LYRM4: variants seen among roughly 807,000 people sequenced by gnomAD.
LYRM4 encodes the protein LYR motif-containing protein 4.
Under a neutral mutation model 11.7 loss-of-function variants are expected in LYRM4, and 9 were observed. The ratio of observed to expected loss-of-function variants is 0.77; its 90% CI spans 0.46 to 1.34. LYRM4 has a LOEUF of 1.34. Ranked by LOEUF, LYRM4 falls within the 40% of genes most tolerant of loss-of-function variation. The pLI, the probability that LYRM4 is intolerant of heterozygous loss-of-function variation, is 0.00. For missense variants in LYRM4, 133 were observed against 112.5 expected (o/e 1.18, Z -0.82); for synonymous variants, 42 against 40.4 (o/e 1.04, Z -0.15).
the LYRM4 span, among the ~76,000 whole-genome samples, chr6:5,057,846 C>T: frequency 6.4e-4 from 97 of 152,002 alleles, no homozygotes; most frequent in Middle Eastern, 3.4e-3. Context: ...ACTGCAGCCT[C>T]GAACTCCTGG....
At chr6:5,248,060 T>G (rs1048520149) in intron 1 of LYRM4, among the ~76,000 whole-genome samples, 25 of 152,246 alleles carry the variant, frequency 1.6e-4, no homozygotes, top group Non-Finnish European at 2.2e-4. Context: ...GAAGTGATAC[T>G]GTACACAAAG....
intron 2 of LYRM4, among the ~76,000 whole-genome samples, chr6:5,133,214 C>T (rs925039203): frequency 2.6e-5 from 4 of 152,200 alleles, no homozygotes; most frequent in Admixed American, 6.5e-5. Context: ...GCTCTTTCCT[C>T]TCACATAAAA....
chr6:5,155,721 T>C (rs1425128953), intron 2 of LYRM4, among the ~76,000 whole-genome samples: 1 of 152,244 alleles, frequency 6.6e-6, no homozygotes, highest in Non-Finnish European at 1.5e-5. Flanking sequence ...GCAAAACGTA[T>C]GGATAGCCTC....
At chr6:5,231,371 C>T (rs1014578362) in intron 1 of LYRM4, among the ~76,000 whole-genome samples, 4 of 152,296 alleles carry the variant, frequency 2.6e-5, no homozygotes, top group Admixed American at 1.3e-4. Flanking sequence ...CTGGGCTTCC[C>T]GAGTGTCCTG....
At chr6:5,101,435 G>A (rs962954572), downstream of LYRM4, among the ~76,000 whole-genome samples, 1 of 152,164 alleles carries the variant, frequency 6.6e-6, no homozygotes, top group African/African-American at 2.4e-5. Flanking sequence ...TTTGTGTTAC[G>A]CACTGAAAAT....
the LYRM4 span, chr6:5,085,987 C>T: frequency 1.3e-6 from 2 of 1,525,776 alleles, no homozygotes. Flanking sequence ...CCGAAGCTTC[C>T]CTATGCGTGC....
chr6:5,124,971 G>C lies in LYRM4; in HGVS notation c.208-15480C>G, dbSNP rs906801691. ...TGAGACTGTGAGCCCCCTGAAGTTGGGATGAGCCCATTTCATGTCCCCAGC... is the reference window on the plus strand; with the variant it reads ...TGAGACTGTGAGCCCCCTGAAGTTGCGATGAGCCCATTTCATGTCCCCAGC... On this transcript the variant is annotated intron_variant, in intron 2 of 2. Transcript: ENST00000330636. Among the ~76,000 whole-genome samples, 4 of 152,174 alleles carry C rather than the reference G, an allele frequency of 2.6e-5. No homozygotes were observed. The South Asian group carries it at 6.2e-4, about 24-fold the overall frequency.
chr6:5,189,129 T>G (rs1219861456), intron 2 of LYRM4, among the ~76,000 whole-genome samples: 4 of 152,228 alleles, frequency 2.6e-5, no homozygotes, highest in Non-Finnish European at 5.9e-5. Context: ...CGTACTGTAT[T>G]ACATACAATT....
chr6:5,040,882 G>GA, the LYRM4 span, among the ~76,000 whole-genome samples: 107,941 of 150,020 alleles, frequency 0.72, 39,618 homozygotes, highest in East Asian at 0.93. Flanking sequence ...TGGGGAAACA[G>GA]AAAAAAAAAA....
At chr6:5,237,413 G>A (rs1763614037) in intron 1 of LYRM4, among the ~76,000 whole-genome samples, 1 of 151,818 alleles carries the variant, frequency 6.6e-6, no homozygotes, top group South Asian at 2.1e-4. Flanking sequence ...CTAGTTGCAG[G>A]AAAACAAGCT....
intron 2 of LYRM4, among the ~76,000 whole-genome samples, chr6:5,170,455 ATCAAAAGAGCTTTC>A (rs1269104590): frequency 6.6e-6 from 1 of 151,750 alleles, no homozygotes; most frequent in African/African-American, 2.4e-5. Context: ...ATTCTTGGGT[ATCAAAAGAGCTTTC>A]TCACTTTATT....
At chr6:5,102,126 C>A (rs1762525364), downstream of LYRM4, among the ~76,000 whole-genome samples, 1 of 151,360 alleles carries the variant, frequency 6.6e-6, no homozygotes, top group African/African-American at 2.4e-5. Flanking sequence ...TTTATATTTT[C>A]AGTAGTTTGA....
At chr6:5,138,480 C>T in intron 2 of LYRM4, among the ~76,000 whole-genome samples, 1 of 100,542 alleles carries the variant, frequency 9.9e-6, no homozygotes, top group Non-Finnish European at 1.9e-5. Context: ...GAGTGAGACC[C>T]TGTCTCCAAA....
the LYRM4 span, among the ~76,000 whole-genome samples, chr6:5,062,400 G>A: frequency 1.3e-5 from 2 of 151,750 alleles, no homozygotes; most frequent in East Asian, 3.9e-4. Context: ...CTGGCATCAA[G>A]TGATCCTCCC....
At chr6:5,173,893 A>T (rs80335316) in intron 2 of LYRM4, among the ~76,000 whole-genome samples, 2,008 of 152,346 alleles carry the variant, frequency 0.013, 39 homozygotes, top group African/African-American at 0.044. Context: ...TGGAGACAAC[A>T]GGCAGATTCC....
chr6:5,195,161 G>A (rs1024941685), intron 2 of LYRM4, among the ~76,000 whole-genome samples: 1 of 152,118 alleles, frequency 6.6e-6, no homozygotes, highest in Non-Finnish European at 1.5e-5. Context: ...CTCACAGGAC[G>A]GCCCTGCAAA....
chr6:5,105,972 A>G (rs749612694), downstream of LYRM4: 1 of 152,308 alleles, frequency 6.6e-6, no homozygotes, highest in African/African-American at 2.4e-5. Context: ...CTTTGCATGG[A>G]ACTACCCTCT....
At chr6:5,103,659 A>C (rs1266408309), downstream of LYRM4, 1 of 142,458 alleles carries the variant, frequency 7.0e-6, no homozygotes, top group Non-Finnish European at 1.5e-5. Context: ...TTTTTGAGAC[A>C]AGAGTCTCAC....
intron 1 of LYRM4, 39 bp from the exon 2 acceptor site, chr6:5,216,777 C>A (rs41302851): frequency 5.6e-6 from 9 of 1,598,100 alleles, no homozygotes; most frequent in Non-Finnish European, 7.6e-6. Context: ...AAGGTGTCAG[C>A]GTGTCTGAGG....
Sources: gnomAD v4.1 joint callset for allele counts (sites outside exome capture counted in the v4.1 genomes callset) on GRCh38, gnomAD v4.1.1 for gene constraint, MANE v1.5 for transcripts, NCBI Gene and HGNC (gene_info 2026-07-23, HGNC 2026-07-21) for gene names.